The following COLEC10 variants were observed in gnomAD, a reference collection of about 807,000 sequenced individuals.
The protein encoded by COLEC10 is collectin-10.
A neutral mutation model predicts 28.4 loss-of-function variants in COLEC10; 22 were observed. The observed-to-expected ratio is 0.78, with a 90% CI of 0.55 to 1.11. The LOEUF is 1.11. Among genes scored for constraint, COLEC10 ranks in the 50% least tolerant of loss-of-function variants. COLEC10 has a pLI of 0.00. For missense variants in COLEC10, 361 were observed against 344.1 expected (o/e 1.05, Z -0.39); for synonymous variants, 125 against 116.1 (o/e 1.08, Z -0.49).
At chr8:119,023,956 T>C (rs1162196556) in intron 2 of COLEC10, among the ~76,000 whole-genome samples, 1 of 152,200 alleles carries the variant, frequency 6.6e-6, no homozygotes, top group Non-Finnish European at 1.5e-5. Flanking sequence ...CAAAACCTCA[T>C]ACGCATGTAT....
At chr8:118,979,614 C>A in the COLEC10 span, among the ~76,000 whole-genome samples, 1 of 151,898 alleles carries the variant, frequency 6.6e-6, no homozygotes, top group African/African-American at 2.4e-5. Context: ...AATCATTCCA[C>A]AAATTACAAA....
intron 1 of COLEC10, among the ~76,000 whole-genome samples, chr8:119,088,601 C>T (rs2130275642): frequency 6.6e-6 from 1 of 152,296 alleles, no homozygotes. Flanking sequence ...TGATTTTCCT[C>T]CTTTCATCTG....
chr8:119,045,925 C>T (rs1199666213), intron 2 of COLEC10, among the ~76,000 whole-genome samples: 3 of 152,164 alleles, frequency 2.0e-5, no homozygotes, highest in African/African-American at 7.2e-5. Flanking sequence ...AATAAATCTA[C>T]GGTCTTTGGA....
chr8:119,086,164 C>T (rs974106089), intron 1 of COLEC10, among the ~76,000 whole-genome samples: 2 of 152,022 alleles, frequency 1.3e-5, no homozygotes, highest in African/African-American at 2.4e-5. Flanking sequence ...TAAGAAAATG[C>T]GGTCAAATGT....
chr8:118,979,282 C>G, the COLEC10 span, among the ~76,000 whole-genome samples: 3 of 151,838 alleles, frequency 2.0e-5, no homozygotes, highest in Non-Finnish European at 4.4e-5. Flanking sequence ...AGTACCAAAC[C>G]CTTATGTAAA....
chr8:119,018,658 A>C (rs1263689638), intron 2 of COLEC10, among the ~76,000 whole-genome samples: 1 of 152,218 alleles, frequency 6.6e-6, no homozygotes, highest in Non-Finnish European at 1.5e-5. Context: ...TAATCAGATG[A>C]TCCTAATATG....
the COLEC10 span, among the ~76,000 whole-genome samples, chr8:118,973,138 A>T: frequency 6.6e-6 from 1 of 152,000 alleles, no homozygotes; most frequent in Non-Finnish European, 1.5e-5. Context: ...ATCACCAGGT[A>T]ACTGATACTT....
At chr8:119,038,798 T>C (rs1814436426) in intron 2 of COLEC10, among the ~76,000 whole-genome samples, 2 of 152,126 alleles carry the variant, frequency 1.3e-5, no homozygotes, top group Admixed American at 6.5e-5. Flanking sequence ...CCGTGGATGG[T>C]AGAGCAGTTT....
intron 1 of COLEC10, among the ~76,000 whole-genome samples, chr8:119,080,600 C>T (rs1330480967): frequency 6.6e-6 from 1 of 151,884 alleles, no homozygotes; most frequent in African/African-American, 2.4e-5. Context: ...AGATAAAGAG[C>T]CATAGTTCCA....
intron 2 of COLEC10, among the ~76,000 whole-genome samples, chr8:119,031,910 G>C (rs574124310): frequency 6.6e-6 from 1 of 150,764 alleles, no homozygotes; most frequent in Non-Finnish European, 1.5e-5. Flanking sequence ...TAATAAAATA[G>C]TAACTAAAAT....
the COLEC10 span, among the ~76,000 whole-genome samples, chr8:118,965,637 G>A: frequency 6.6e-6 from 1 of 151,948 alleles, no homozygotes; most frequent in Non-Finnish European, 1.5e-5. Context: ...CTTGGAGGAA[G>A]TGTGGGTGCA....
In COLEC10 at chr8:119,038,180, T is replaced by C. The variant is rs140721320; in HGVS notation, n.235+28627T>C. 2.5e-3 allele frequency among the ~76,000 whole-genome samples: 379 copies of C among 152,338 alleles called. 2 individuals carry two copies. The highest frequency in any genetic ancestry group is 8.8e-3 in the African/African-American group (366 of 41,580). On this transcript the variant is annotated intron_variant and non_coding_transcript_variant, in intron 2 of 6. Coordinates refer to the COLEC10 transcript ENST00000521788. Reference sequence around the variant, plus strand: ...GATAGAATAAACTTGGGCTTTGATATGAGATCAACCTGGGCTCAAATCACA... The same window carrying C: ...GATAGAATAAACTTGGGCTTTGATACGAGATCAACCTGGGCTCAAATCACA...
chr8:119,034,332 A>G (rs148380297), intron 2 of COLEC10, among the ~76,000 whole-genome samples: 2,197 of 150,580 alleles, frequency 0.015, 51 homozygotes, highest in African/African-American at 0.052. Flanking sequence ...TGGCACATGT[A>G]TACCTATGTA....
chr8:119,059,956 T>C (rs777981101), intron 2 of COLEC10, among the ~76,000 whole-genome samples: 10 of 152,144 alleles, frequency 6.6e-5, no homozygotes, highest in Non-Finnish European at 1.5e-4. Flanking sequence ...AGAAAGGGTG[T>C]TCTGACTTCT....
At chr8:119,060,865 A>C (rs1344041727) in intron 2 of COLEC10, among the ~76,000 whole-genome samples, 2 of 152,142 alleles carry the variant, frequency 1.3e-5, no homozygotes, top group African/African-American at 4.8e-5. Flanking sequence ...TCAGTGTAGG[A>C]TATCCAGATG....
At chr8:119,035,223 G>A in intron 2 of COLEC10, among the ~76,000 whole-genome samples, 1 of 152,188 alleles carries the variant, frequency 6.6e-6, no homozygotes, top group East Asian at 1.9e-4. Flanking sequence ...TCTTCTGGAG[G>A]AAATCTGAGC....
At chr8:119,024,541 C>A (rs762590637) in intron 2 of COLEC10, among the ~76,000 whole-genome samples, 25 of 149,464 alleles carry the variant, frequency 1.7e-4, no homozygotes, top group Non-Finnish European at 3.4e-4. Flanking sequence ...CAAACACACA[C>A]ATACATATGC....
At chr8:119,099,227 T>A (rs761179692) in intron 3 of COLEC10, among the ~76,000 whole-genome samples, 1 of 152,030 alleles carries the variant, frequency 6.6e-6, no homozygotes, top group Non-Finnish European at 1.5e-5. Flanking sequence ...TTTTTGTGGA[T>A]GACTTTAAAT....
Position 119,089,741 on chromosome 8 carries a change from G to A in COLEC10, c.210G>A (p.Met70Ile). The A allele has an allele frequency of 1.2e-6, 2 of 1,613,056 alleles. No individual in the cohort carries two copies. The highest frequency in any genetic ancestry group is 2.2e-5 in the East Asian group (1 of 44,818). The change falls in exon 2 of 6, where the codon ATG becomes ATA. Residue 70 changes from methionine (M) to isoleucine (I), a missense_variant. By Grantham distance (10) the Met-to-Ile change is conservative (BLOSUM62 1). Transcript: ENST00000332843. ...EEGKHGKVGR[M>I]GPKGIKGELG... ...GAAAGCATGGCAAAGTGGGACGCATGGGGCCGAAAGGTAACTAAAATGATG... is the reference window on the plus strand; with the variant it reads ...GAAAGCATGGCAAAGTGGGACGCATAGGGCCGAAAGGTAACTAAAATGATG...
Sources: gnomAD v4.1 joint callset for allele counts (sites outside exome capture counted in the v4.1 genomes callset) on GRCh38, gnomAD v4.1.1 for gene constraint, MANE v1.5 for transcripts, NCBI Gene and HGNC (gene_info 2026-07-23, HGNC 2026-07-21) for gene names.